TMED8: variants seen among roughly 807,000 people sequenced by gnomAD.
TMED8 encodes protein TMED8.
A neutral mutation model predicts 32.7 loss-of-function variants in TMED8; 15 were observed. That is an observed-to-expected ratio of 0.46 (90% CI 0.31 to 0.71). The LOEUF (loss-of-function observed/expected upper bound fraction) is 0.71, where lower values mean the gene tolerates loss of function less well. TMED8 is among the 30% of genes least tolerant of loss of function. TMED8 has a pLI of 0.06. For synonymous variants in TMED8, 147 were observed against 161.4 expected (o/e 0.91, Z 0.68); for missense variants, 390 against 423.9 (o/e 0.92, Z 0.70).
intron 1 of TMED8, among the ~76,000 whole-genome samples, chr14:77,358,587 A>G (rs1423385391): frequency 1.3e-5 from 2 of 152,132 alleles, no homozygotes; most frequent in African/African-American, 4.8e-5. Flanking sequence ...GTGAGCCACC[A>G]CGCCTAGCCC....
intron 1 of TMED8, among the ~76,000 whole-genome samples, chr14:77,358,218 T>A (rs1303870323): frequency 6.6e-6 from 1 of 150,432 alleles, no homozygotes; most frequent in Admixed American, 6.6e-5. Context: ...TATATATATA[T>A]CCTAAATGTC....
intron 3 of TMED8, among the ~76,000 whole-genome samples, chr14:77,344,729 G>C (rs1319159985): frequency 1.3e-5 from 2 of 152,200 alleles, no homozygotes; most frequent in Non-Finnish European, 2.9e-5. Flanking sequence ...CCAGTTAAGA[G>C]GCTGGAATTG....
intron 1 of TMED8, among the ~76,000 whole-genome samples, chr14:77,368,051 C>T (rs1172220372): frequency 6.6e-6 from 1 of 152,082 alleles, no homozygotes; most frequent in Non-Finnish European, 1.5e-5. Flanking sequence ...AGCTATCTAT[C>T]TATTGTTGAT....
Position 77,338,028 on chromosome 14 carries a change from G to C in TMED8, c.*3743C>G, listed in dbSNP as rs946829957. On this transcript the variant is annotated 3_prime_UTR_variant, in exon 6 of 6. Coordinates refer to ENST00000216468, the MANE Select transcript of TMED8 (RefSeq NM_213601.3). ...AAAACTAGTCCATGATGGGAAGACA[G>C]GGTGCCTCATATTATGGTCAGATTA... The C allele has an allele frequency of 7.9e-5, 12 of 152,130 alleles. No individual in the cohort carries two copies. The highest frequency in any genetic ancestry group is 1.5e-4 in the Non-Finnish European group (10 of 68,028). 9.4% of individuals were successfully genotyped at this position (152,130 alleles called of 1,614,324 possible).
chr14:77,372,930 ATATATATATATATATATATATATTTTTTT>A lies in TMED8; in HGVS notation c.118+3977_118+4005del, dbSNP rs1338204079. On this transcript the variant is annotated intron_variant, in intron 1 of 5. Coordinates refer to ENST00000216468, the MANE Select transcript of TMED8 (RefSeq NM_213601.3). The stretch of plus-strand genomic sequence containing the variant: ...ATTATATATATATATATATATATAT[ATATATATATATATATATATATATTTTTTT>A]TTTTTTTTTTTTTTTTTTTTTTTTG... Among the ~76,000 whole-genome samples, 171 of 28,796 alleles carry A rather than the reference ATATATATATATATATATATATATTTTTTT, an allele frequency of 5.9e-3. 1 individual carries two copies. Among genetic ancestry groups the A allele is most frequent in the Non-Finnish European group, 7.1e-3 (121 of 17,084 alleles). 18.9% of individuals were successfully genotyped at this position (28,796 alleles called of 152,430 possible).
At chr14:77,345,618 C>T (rs970689474) in intron 3 of TMED8, among the ~76,000 whole-genome samples, 4 of 143,074 alleles carry the variant, frequency 2.8e-5, no homozygotes, top group African/African-American at 1.0e-4. Context: ...CATGACTGCA[C>T]CATCGCACTG....
At chr14:77,347,251 T>C (rs1340045773) in intron 2 of TMED8, among the ~76,000 whole-genome samples, 1 of 152,200 alleles carries the variant, frequency 6.6e-6, no homozygotes, top group Non-Finnish European at 1.5e-5. Context: ...GGAGGAGGTC[T>C]GCCTAAGGGA....
At chr14:77,375,125 C>T (rs1010810647) in intron 1 of TMED8, among the ~76,000 whole-genome samples, 1 of 152,036 alleles carries the variant, frequency 6.6e-6, no homozygotes, top group African/African-American at 2.4e-5. Flanking sequence ...AATAAGCATT[C>T]AATATCTGTA....
chr14:77,346,109 C>T (rs968731569), intron 3 of TMED8, among the ~76,000 whole-genome samples: 2 of 152,074 alleles, frequency 1.3e-5, no homozygotes, highest in Admixed American at 6.6e-5. Flanking sequence ...CATGAACATT[C>T]ACTCTAACAC....
chr14:77,361,605 T>A (rs1226218159), intron 1 of TMED8, among the ~76,000 whole-genome samples: 1 of 152,228 alleles, frequency 6.6e-6, no homozygotes, highest in Non-Finnish European at 1.5e-5. Flanking sequence ...GTGAAGAATG[T>A]CATTAGAATT....
intron 1 of TMED8, among the ~76,000 whole-genome samples, chr14:77,360,100 A>G (rs942437216): frequency 3.9e-5 from 6 of 152,212 alleles, no homozygotes; most frequent in African/African-American, 7.2e-5. Flanking sequence ...AATGGTTACC[A>G]TATCAAGCAA....
At chr14:77,351,411 A>ATTTTTTTTTTTTTTT (rs1181134385) in intron 2 of TMED8, among the ~76,000 whole-genome samples, 40 of 102,128 alleles carry the variant, frequency 3.9e-4, no homozygotes, top group Non-Finnish European at 5.5e-4. Context: ...CGCCCCGCTA[A>ATTTTTTTTTTTTTTT]TTTTTTTTTT....
intron 1 of TMED8, among the ~76,000 whole-genome samples, chr14:77,365,813 T>C (rs1175451201): frequency 6.6e-6 from 1 of 152,154 alleles, no homozygotes; most frequent in Non-Finnish European, 1.5e-5. Context: ...AATTTTAAGC[T>C]AGTAAATGAC....
In TMED8 at chr14:77,372,944, A is replaced by T. The variant is rs1566696571; in HGVS notation, c.118+3992T>A. 1.2e-3 allele frequency among the ~76,000 whole-genome samples: 28 copies of T among 23,182 alleles called. 2 individuals are homozygous for T. The highest frequency in any genetic ancestry group is 3.4e-3 in the Admixed American group (6 of 1,764). 15.2% of individuals were successfully genotyped at this position (23,182 alleles called of 152,430 possible). A position where few individuals can be genotyped will look rare whatever the true frequency, so the allele number is the denominator to read the frequency against. ...TATATATATATATATATATATATAT[A>T]TATATATATTTTTTTTTTTTTTTTT... On this transcript the variant is annotated intron_variant, in intron 1 of 5. Transcript: ENST00000216468.
chr14:77,368,510 C>T (rs1025124981), intron 1 of TMED8, among the ~76,000 whole-genome samples: 3 of 152,142 alleles, frequency 2.0e-5, no homozygotes, highest in Admixed American at 6.6e-5. Flanking sequence ...CGGAGTCTCA[C>T]TCTGTCACCC....
At position 77,343,177 on chromosome 14, in the gene TMED8, C is replaced by T. The variant is rs1892944559; in HGVS notation, c.760+1G>A. ...GCAAATTAGGTTAAAATTAAATTTACCTTCAATCTCTTCCTCCTCTTCCTC... is the reference window on the plus strand; with the variant it reads ...GCAAATTAGGTTAAAATTAAATTTATCTTCAATCTCTTCCTCCTCTTCCTC... On this transcript the variant is annotated splice_donor_variant, in intron 5 of 5. Coordinates refer to ENST00000216468, the MANE Select transcript of TMED8 (RefSeq NM_213601.3). LOFTEE classifies it high-confidence loss of function. 1 of 1,610,804 alleles carries T rather than the reference C, an allele frequency of 6.2e-7. No homozygotes were observed. Among genetic ancestry groups the T allele is most frequent in the African/African-American group, 1.3e-5 (1 of 74,816 alleles).
intron 1 of TMED8, among the ~76,000 whole-genome samples, chr14:77,354,253 G>A (rs1893241945): frequency 1.3e-5 from 2 of 152,080 alleles, no homozygotes; most frequent in Admixed American, 1.3e-4. Context: ...TTTCTTAACT[G>A]CAAACTTACT....
intron 5 of TMED8, 45 bp downstream of exon 5, chr14:77,343,133 C>A: frequency 1.3e-6 from 2 of 1,581,874 alleles, no homozygotes; most frequent in South Asian, 2.3e-5. Flanking sequence ...CACCAGAAAT[C>A]AGATTAAGCC....
chr14:77,343,449 C>A lies in TMED8; in HGVS notation c.489G>T (p.Trp163Cys). ...SPPLMAPPCI[W>C]TFAKVKEFKS... ...TGAATTCCTTCACCTTGGCAAAGGT[C>A]CAGATGCATGGAGGAGCCATCAGAG... is the stretch of plus-strand genomic sequence containing the variant. Residue 163 changes from tryptophan to cysteine, a missense_variant, in exon 5 of 6, where the codon TGG becomes TGT. By Grantham distance (215) the Trp-to-Cys change is radical. Transcript: ENST00000216468. The A allele has an allele frequency of 1.2e-6, 2 of 1,613,644 alleles. No individual in the cohort carries two copies. Among genetic ancestry groups the A allele is most frequent in the Admixed American group, 3.3e-5 (2 of 59,910 alleles).
Sources: allele counts gnomAD v4.1 joint callset (sites outside exome capture counted in the v4.1 genomes callset), GRCh38; gene constraint gnomAD v4.1.1; transcripts MANE v1.5; gene names NCBI Gene and HGNC (gene_info 2026-07-23, HGNC 2026-07-21).